ABCC3: variants seen among roughly 807,000 people sequenced by gnomAD.
The protein encoded by ABCC3 is ATP binding cassette subfamily C member 3.
ABCC3 carries 121 observed loss-of-function variants against 165.3 expected under a neutral mutation model. That is an observed-to-expected ratio of 0.73 (90% CI 0.63 to 0.85). ABCC3 has a LOEUF of 0.85. ABCC3 is among the 40% of genes least tolerant of loss of function. ABCC3 has a pLI of 0.00. For synonymous variants in ABCC3, 733 were observed against 810.1 expected (o/e 0.90, Z 1.62); for missense variants, 1,869 against 1,964.1 (o/e 0.95, Z 0.92).
chr17:50,645,200 TAAAAA>T (rs564267933), intron 1 of ABCC3, among the ~76,000 whole-genome samples: 1 of 118,344 alleles, frequency 8.4e-6, no homozygotes, highest in Non-Finnish European at 1.8e-5. Flanking sequence ...GACTTGGCCT[TAAAAA>T]AAAAAAAAAA....
At chr17:50,659,164 A>C in intron 6 of ABCC3, 73 bp from the exon 7 acceptor site, 1 of 1,578,312 alleles carries the variant, frequency 6.3e-7, no homozygotes, top group Non-Finnish European at 8.7e-7. Flanking sequence ...CCCTGGAGAC[A>C]CTGACCCTTG....
rs778233657 is a variant in ABCC3, at chr17:50,684,811, A to G, written c.4216A>G (p.Thr1406Ala). The G allele has an allele frequency of 1.9e-6, 3 of 1,613,806 alleles. No individual in the cohort carries two copies. In the African/African-American group the frequency reaches 4.0e-5, roughly 22 times the overall value. ...GGCTTTGGAGCTGTCCCACCTGCAC[A>G]CGTTTGTGAGCTCCCAGCCGGCAGG... ...WWALELSHLH[T>A]FVSSQPAGLD... The change falls in exon 29 of 31, where the codon ACG (threonine) becomes GCG (alanine). Residue 1406 changes from threonine (T) to alanine (A), a missense_variant. By Grantham distance (58) the Thr-to-Ala change is moderately conservative (BLOSUM62 0). Transcript: ENST00000285238.
intron 5 of ABCC3, 80 bp downstream of exon 5, chr17:50,658,287 A>G (rs1967301998): frequency 6.2e-7 from 1 of 1,605,428 alleles, no homozygotes; most frequent in Non-Finnish European, 8.5e-7. Flanking sequence ...CAACCCCTCC[A>G]GTTCCTTTCA....
intron 1 of ABCC3, among the ~76,000 whole-genome samples, chr17:50,642,748 C>T (rs1966915962): frequency 6.6e-6 from 1 of 152,220 alleles, no homozygotes; most frequent in Non-Finnish European, 1.5e-5. Context: ...GGCCACTCCC[C>T]ACCCGCCTTA....
intron 23 of ABCC3, among the ~76,000 whole-genome samples, chr17:50,677,377 C>T (rs905950949): frequency 1.3e-5 from 2 of 152,124 alleles, no homozygotes; most frequent in Non-Finnish European, 2.9e-5. Context: ...AGTCAGTTCC[C>T]GGGGATAGAT....
At chr17:50,635,579 A>C (rs2146580577) in intron 1 of ABCC3, 1 of 702,612 alleles carries the variant, frequency 1.4e-6, no homozygotes, top group South Asian at 1.5e-5. Flanking sequence ...AGAAGGGAGA[A>C]GCAGACCCCA....
chr17:50,668,153 T>A, intron 13 of ABCC3, 144 bp downstream of exon 13: 1 of 791,898 alleles, frequency 1.3e-6, no homozygotes, highest in Non-Finnish European at 2.0e-6. Flanking sequence ...TATTCAAGGT[T>A]GAATGAGGTC....
intron 1 of ABCC3, among the ~76,000 whole-genome samples, chr17:50,640,342 C>T (rs2054216695): frequency 6.6e-6 from 1 of 152,194 alleles, no homozygotes; most frequent in African/African-American, 2.4e-5. Flanking sequence ...TGGGTCTAAT[C>T]CCAGCATCAG....
At chr17:50,664,204 G>A (rs1967469393) in intron 10 of ABCC3, 93 bp downstream of exon 10, 1 of 1,523,620 alleles carries the variant, frequency 6.6e-7, no homozygotes, top group Non-Finnish European at 8.9e-7. Flanking sequence ...CATGGCACAT[G>A]CTTGTAGTCC....
chr17:50,684,953 C>T lies in ABCC3; in HGVS notation c.4280+78C>T. 6 of 1,514,708 alleles carry T rather than the reference C, an allele frequency of 4.0e-6. No individual in the cohort carries two copies. In the South Asian group the frequency reaches 7.4e-5, roughly 19 times the overall value. The allele number at this position is 1,514,708 out of a possible 1,614,324, so 93.8% of individuals were successfully genotyped here. On this transcript the variant is annotated intron_variant, in intron 29 of 30. Coordinates refer to ENST00000285238, the MANE Select transcript of ABCC3 (RefSeq NM_003786.4). ...TGGCGGGTGCTGGGAAACCTGACAC[C>T]AATGACACAGAGATGAGGCCAGCCC...
chr17:50,648,462 T>C (rs531281635), intron 1 of ABCC3, among the ~76,000 whole-genome samples: 2 of 152,306 alleles, frequency 1.3e-5, no homozygotes, highest in Admixed American at 1.3e-4. Context: ...CAGCAGTTTA[T>C]TCTGTGGAAT....
intron 1 of ABCC3, among the ~76,000 whole-genome samples, chr17:50,653,710 A>G (rs1018925177): frequency 6.6e-6 from 1 of 151,200 alleles, no homozygotes; most frequent in Non-Finnish European, 1.5e-5. Flanking sequence ...CCAAGATCAC[A>G]CCATTGCACT....
intron 1 of ABCC3, among the ~76,000 whole-genome samples, chr17:50,641,406 A>G (rs1054781547): frequency 5.3e-5 from 8 of 152,112 alleles, no homozygotes; most frequent in African/African-American, 1.7e-4. Context: ...GGATTCAGGG[A>G]GTGTTACAGG....
chr17:50,650,277 T>G (rs1440620815), intron 1 of ABCC3, among the ~76,000 whole-genome samples: 1 of 152,196 alleles, frequency 6.6e-6, no homozygotes, highest in African/African-American at 2.4e-5. Context: ...GGCTTATTTT[T>G]TGTATTTTTA....
At chr17:50,682,154 C>A (rs768021214) in intron 26 of ABCC3, among the ~76,000 whole-genome samples, 25 of 152,090 alleles carry the variant, frequency 1.6e-4, no homozygotes, top group Admixed American at 1.6e-3. Flanking sequence ...AGCGTCCCCA[C>A]TCCCGGAAGA....
chr17:50,684,442 T>C (rs1181436599), intron 28 of ABCC3, among the ~76,000 whole-genome samples: 1 of 152,158 alleles, frequency 6.6e-6, no homozygotes, highest in Non-Finnish European at 1.5e-5. Flanking sequence ...CTCCGGGGTA[T>C]TTTTTGTTTC....
intron 30 of ABCC3, among the ~76,000 whole-genome samples, chr17:50,690,303 A>C (rs966498697): frequency 8.6e-5 from 13 of 151,642 alleles, no homozygotes; most frequent in Non-Finnish European, 1.6e-4. Context: ...AAAGCCGCTG[A>C]AGACCTTGAT....
At chr17:50,679,968 C>A in intron 26 of ABCC3, 69 bp downstream of exon 26, 1 of 1,277,540 alleles carries the variant, frequency 7.8e-7, no homozygotes, top group Non-Finnish European at 1.1e-6. Flanking sequence ...TGGTGGCTCT[C>A]TCTCCCTCAA....
At chr17:50,658,342 G>A (rs964588619) in intron 5 of ABCC3, 93 bp from the exon 6 acceptor site, 8 of 1,582,316 alleles carry the variant, frequency 5.1e-6, no homozygotes, top group African/African-American at 1.3e-5. Flanking sequence ...CTGGGGCTTG[G>A]AGCAGGAACA....
Sources: gnomAD v4.1 joint callset for allele counts (sites outside exome capture counted in the v4.1 genomes callset) on GRCh38, gnomAD v4.1.1 for gene constraint, MANE v1.5 for transcripts, NCBI Gene and HGNC (gene_info 2026-07-23, HGNC 2026-07-21) for gene names.